Variants in SPAG9 observed in about 807,000 individuals in gnomAD.
SPAG9 encodes sperm associated antigen 9.
Under a neutral mutation model 166.5 loss-of-function variants are expected in SPAG9, and 35 were observed. That is an observed-to-expected ratio of 0.21 (90% CI 0.16 to 0.28). SPAG9 has a LOEUF of 0.28. SPAG9 is among the 10% of genes least tolerant of loss of function. The pLI is 1.00. For missense variants in SPAG9, 1,235 were observed against 1,603.3 expected (o/e 0.77, Z 3.92); for synonymous variants, 534 against 565.5 (o/e 0.94, Z 0.79).
rs543448216 is a variant in SPAG9, at chr17:50,964,726, G to C, written c.*1546C>G. ...AAAAACTTATTAAGCAAGAAAATCA[G>C]TGAAATCCAGACTTTAATCTATTTT... On this transcript the variant is annotated 3_prime_UTR_variant, in exon 30 of 30. Coordinates refer to ENST00000262013, the MANE Select transcript of SPAG9 (RefSeq NM_001130528.3). 6.6e-6 allele frequency: 3 copies of C among 451,652 alleles called. No homozygotes were observed. Among genetic ancestry groups the C allele is most frequent in the Admixed American group, 4.8e-5 (2 of 41,834 alleles). The allele number at this position is 451,652 out of a possible 1,614,324, so 28.0% of individuals were successfully genotyped here. A position where few individuals can be genotyped will look rare whatever the true frequency, so the allele number is the denominator to read the frequency against.
In SPAG9 at chr17:51,007,256, C is replaced by G. The variant is rs1483311999; in HGVS notation, c.1271+13G>C. The G allele has an allele frequency of 4.1e-6, 6 of 1,481,158 alleles. No homozygotes were observed. In the Admixed American group the frequency reaches 8.9e-5, roughly 22 times the overall value. 91.8% of individuals were successfully genotyped at this position (1,481,158 alleles called of 1,614,324 possible). A position where few individuals can be genotyped will look rare whatever the true frequency, so the allele number is the denominator to read the frequency against. On this transcript the variant is annotated intron_variant, in intron 10 of 29. Coordinates refer to ENST00000262013, the MANE Select transcript of SPAG9 (RefSeq NM_001130528.3). ...AATTCTTTATCTTCTGTTAAAATTTCACATATACTTACTTGGTTTCCAACA... is the reference window on the plus strand; with the variant it reads ...AATTCTTTATCTTCTGTTAAAATTTGACATATACTTACTTGGTTTCCAACA...
chr17:51,003,112 A>T (rs2045035353), intron 12 of SPAG9, among the ~76,000 whole-genome samples: 1 of 151,896 alleles, frequency 6.6e-6, no homozygotes, highest in South Asian at 2.1e-4. Context: ...GGTGGCATGC[A>T]CCTGTAGTTC....
intron 5 of SPAG9, among the ~76,000 whole-genome samples, chr17:51,039,718 T>C (rs1320372148): frequency 1.3e-5 from 2 of 152,034 alleles, no homozygotes; most frequent in Non-Finnish European, 2.9e-5. Flanking sequence ...ATCAGTGGAG[T>C]AAAAAATAAA....
chr17:51,016,387 AC>A (rs2045698413), intron 8 of SPAG9: 1 of 152,254 alleles, frequency 6.6e-6, no homozygotes, highest in East Asian at 1.9e-4. Flanking sequence ...ATATTCCAGA[AC>A]CAGAACAAAT....
chr17:51,013,321 C>T (rs1216676344), intron 9 of SPAG9, among the ~76,000 whole-genome samples: 2 of 152,124 alleles, frequency 1.3e-5, no homozygotes, highest in Admixed American at 6.5e-5. Flanking sequence ...TATACCAAAA[C>T]TAATTCATAG....
chr17:51,079,866 T>TA (rs982281064), intron 1 of SPAG9, among the ~76,000 whole-genome samples, 162 bp from the exon 2 acceptor site: 8 of 152,264 alleles, frequency 5.3e-5, no homozygotes, highest in Admixed American at 4.6e-4. Flanking sequence ...AAATTAAGTT[T>TA]AAAAAACTCC....
intron 1 of SPAG9, among the ~76,000 whole-genome samples, chr17:51,092,093 T>C (rs562861128): frequency 2.2e-4 from 34 of 151,946 alleles, no homozygotes; most frequent in African/African-American, 7.5e-4. Flanking sequence ...ACTTTGACTA[T>C]AGTACTTGTC....
chr17:51,033,382 A>G (rs538734357), intron 5 of SPAG9, among the ~76,000 whole-genome samples: 2 of 152,120 alleles, frequency 1.3e-5, no homozygotes, highest in Non-Finnish European at 2.9e-5. Context: ...TATTATATCT[A>G]TGTGCACCTG....
intron 1 of SPAG9, among the ~76,000 whole-genome samples, chr17:51,105,670 C>T (rs1194338359): frequency 6.6e-6 from 1 of 151,550 alleles, no homozygotes; most frequent in Non-Finnish European, 1.5e-5. Context: ...GAGATCGAGG[C>T]CATCCTGGCT....
At chr17:51,044,092 G>A (rs2046937236) in intron 4 of SPAG9, among the ~76,000 whole-genome samples, 1 of 152,128 alleles carries the variant, frequency 6.6e-6, no homozygotes, top group South Asian at 2.1e-4. Context: ...GATGCTCTAG[G>A]TTACAATGTT....
At chr17:50,982,804 T>A in intron 24 of SPAG9, 132 bp from the exon 25 acceptor site, 1 of 795,342 alleles carries the variant, frequency 1.3e-6, no homozygotes, top group Non-Finnish European at 1.9e-6. Flanking sequence ...TAAGTATATC[T>A]TTTATTTGCA....
chr17:51,089,657 T>TATATATAC (rs1237482205), intron 1 of SPAG9, among the ~76,000 whole-genome samples: 1 of 105,068 alleles, frequency 9.5e-6, no homozygotes, highest in African/African-American at 3.9e-5. Flanking sequence ...TATATATATA[T>TATATATAC]ATATATACAC....
chr17:51,060,542 G>A (rs1323047899), intron 2 of SPAG9, among the ~76,000 whole-genome samples: 1 of 149,336 alleles, frequency 6.7e-6, no homozygotes, highest in Non-Finnish European at 1.5e-5. Flanking sequence ...GAAGAAGGTA[G>A]GTAATTAAGG....
intron 29 of SPAG9, among the ~76,000 whole-genome samples, chr17:50,968,332 T>C (rs1011948210): frequency 4.6e-5 from 7 of 152,212 alleles, no homozygotes; most frequent in Non-Finnish European, 1.0e-4. Context: ...AAGTATTTGT[T>C]ACTGATCTAC....
chr17:51,089,495 A>G (rs1336431160), intron 1 of SPAG9, among the ~76,000 whole-genome samples: 1 of 150,366 alleles, frequency 6.7e-6, no homozygotes, highest in Non-Finnish European at 1.5e-5. Flanking sequence ...ATCACCACTA[A>G]AGAACTTATC....
At chr17:51,018,784 G>A (rs1192913344) in intron 8 of SPAG9, among the ~76,000 whole-genome samples, 5 of 152,110 alleles carry the variant, frequency 3.3e-5, no homozygotes, top group Non-Finnish European at 7.4e-5. Flanking sequence ...AAATAAGCAT[G>A]CTCCATAGCC....
chr17:51,013,580 CAGATTCCTGAACTAGGGTCCA>C (rs554931731), intron 9 of SPAG9, among the ~76,000 whole-genome samples: 238 of 152,218 alleles, frequency 1.6e-3, no homozygotes, highest in African/African-American at 5.5e-3. Context: ...GGCAGTTTGC[CAGATTCCTGAACTAGGGTCCA>C]GCTCCTTCAT....
chr17:51,029,219 A>C (rs2046299925), intron 6 of SPAG9, among the ~76,000 whole-genome samples: 1 of 152,222 alleles, frequency 6.6e-6, no homozygotes, highest in Admixed American at 6.5e-5. Context: ...CAAAAAGCAT[A>C]TAAAATGATG....
At chr17:50,985,830 C>A in intron 22 of SPAG9, 52 bp from the exon 23 acceptor site, 1 of 1,022,388 alleles carries the variant, frequency 9.8e-7, no homozygotes. Context: ...CAAGACATTG[C>A]ATATATCTAA....
Sources: allele counts gnomAD v4.1 joint callset (sites outside exome capture counted in the v4.1 genomes callset), GRCh38; gene constraint gnomAD v4.1.1; transcripts MANE v1.5; gene names NCBI Gene and HGNC (gene_info 2026-07-23, HGNC 2026-07-21).